PRKG1: variants seen among roughly 807,000 people sequenced by gnomAD.
PRKG1 encodes cGMP-dependent protein kinase 1.
Under a neutral mutation model 88.1 loss-of-function variants are expected in PRKG1, and 35 were observed. That is an observed-to-expected ratio of 0.40 (90% CI 0.30 to 0.53). The LOEUF (loss-of-function observed/expected upper bound fraction) is 0.53. PRKG1 is among the 20% of genes least tolerant of loss of function. PRKG1 has a pLI of 0.59. For missense variants in PRKG1, 540 were observed against 839.8 expected (o/e 0.64, Z 4.41); for synonymous variants, 303 against 292.5 (o/e 1.04, Z -0.37).
chr10:51,459,304 C>T (rs1839679553), intron 2 of PRKG1, among the ~76,000 whole-genome samples: 2 of 152,136 alleles, frequency 1.3e-5, no homozygotes, highest in African/African-American at 2.4e-5. Flanking sequence ...TAATTGAATA[C>T]TGTATATTAG....
In PRKG1 at chr10:51,786,470, G is replaced by A. The variant is rs79686928; in HGVS notation, c.593-18115G>A. 7.1e-3 allele frequency among the ~76,000 whole-genome samples: 1,074 copies of A among 152,162 alleles called. 13 individuals are homozygous for A. Among genetic ancestry groups the A allele is most frequent in the African/African-American group, 0.022 (914 of 41,520 alleles). ...CAGCCTTCTTTTCTTCACTTGTGTA[G>A]CTCCTCCTCTTCCAGGCCTAACTGT... On this transcript the variant is annotated intron_variant, in intron 3 of 17. Coordinates refer to ENST00000373980, the MANE Select transcript of PRKG1 (RefSeq NM_006258.4).
At chr10:52,037,898 T>C (rs1387681842) in intron 5 of PRKG1, among the ~76,000 whole-genome samples, 1 of 150,514 alleles carries the variant, frequency 6.6e-6, no homozygotes, top group Non-Finnish European at 1.5e-5. Flanking sequence ...GGGTTGGTAC[T>C]GAGGGGACAG....
intron 5 of PRKG1, among the ~76,000 whole-genome samples, chr10:51,998,912 G>A (rs1564745302): frequency 6.6e-6 from 1 of 152,144 alleles, no homozygotes; most frequent in Non-Finnish European, 1.5e-5. Context: ...GTTTGGTGGT[G>A]GGAACCCCAG....
chr10:52,252,086 A>C (rs1299879122), intron 10 of PRKG1: 1 of 156,652 alleles, frequency 6.4e-6, no homozygotes, highest in Non-Finnish European at 1.4e-5. Context: ...AATCGAAGAG[A>C]TATATATGAA....
At chr10:51,114,385 G>A (rs1378742801) in intron 1 of PRKG1, among the ~76,000 whole-genome samples, 1 of 151,342 alleles carries the variant, frequency 6.6e-6, no homozygotes, top group Non-Finnish European at 1.5e-5. Flanking sequence ...CCTAAAGAAA[G>A]TCAGTCAGCA....
At chr10:51,774,297 C>T (rs1022285578) in intron 3 of PRKG1, among the ~76,000 whole-genome samples, 7 of 152,064 alleles carry the variant, frequency 4.6e-5, no homozygotes, top group Non-Finnish European at 8.8e-5. Context: ...TTGCATTTTG[C>T]TTTTTTCTTC....
At chr10:51,862,376 TTTGGTGG>T (rs1297210877) in intron 4 of PRKG1, among the ~76,000 whole-genome samples, 5 of 152,164 alleles carry the variant, frequency 3.3e-5, no homozygotes, top group African/African-American at 9.6e-5. Flanking sequence ...ACACCCACCA[TTTGGTGG>T]GTTCCGGGTT....
At chr10:51,045,773 A>T (rs1278052403) in intron 1 of PRKG1, among the ~76,000 whole-genome samples, 3 of 152,142 alleles carry the variant, frequency 2.0e-5, no homozygotes, top group East Asian at 1.9e-4. Flanking sequence ...AGCCTTTATA[A>T]TTATAGCCAG....
At chr10:51,401,792 A>C (rs78715754) in intron 2 of PRKG1, among the ~76,000 whole-genome samples, 1 of 152,150 alleles carries the variant, frequency 6.6e-6, no homozygotes, top group East Asian at 1.9e-4. Context: ...CATGATGCTT[A>C]AAACACAAAA....
chr10:51,051,530 C>T (rs1010289906), intron 1 of PRKG1, among the ~76,000 whole-genome samples: 2 of 152,130 alleles, frequency 1.3e-5, no homozygotes, highest in Non-Finnish European at 2.9e-5. Context: ...TATTTGTTTT[C>T]GTCATTCAGA....
intron 4 of PRKG1, among the ~76,000 whole-genome samples, chr10:51,874,150 G>A (rs947102442): frequency 1.3e-5 from 2 of 152,346 alleles, no homozygotes; most frequent in African/African-American, 4.8e-5. Flanking sequence ...ATAGAGTGTA[G>A]TTTAGTGCTG....
chr10:51,502,480 C>T (rs1262991126), intron 3 of PRKG1, among the ~76,000 whole-genome samples: 1 of 151,964 alleles, frequency 6.6e-6, no homozygotes, highest in East Asian at 1.9e-4. Flanking sequence ...AGGAATGAGT[C>T]TATGTTTATT....
At chr10:51,620,168 T>C (rs1256965881) in intron 3 of PRKG1, among the ~76,000 whole-genome samples, 2 of 152,130 alleles carry the variant, frequency 1.3e-5, no homozygotes, top group South Asian at 4.1e-4. Context: ...ATAGGGAAAT[T>C]TGCATTCCAA....
At chr10:51,165,940 T>C (rs967733604) in intron 2 of PRKG1, among the ~76,000 whole-genome samples, 1 of 152,156 alleles carries the variant, frequency 6.6e-6, no homozygotes, top group South Asian at 2.1e-4. Flanking sequence ...TAGCCTATTG[T>C]AATAACTTTC....
intron 9 of PRKG1, among the ~76,000 whole-genome samples, chr10:52,173,109 C>T (rs7906466): frequency 0.018 from 2,708 of 152,258 alleles, 72 homozygotes; most frequent in African/African-American, 0.062. Context: ...TCACTGTCAA[C>T]AGAAAATAGG....
chr10:51,274,300 T>C (rs1003074573), intron 2 of PRKG1, among the ~76,000 whole-genome samples: 4 of 152,188 alleles, frequency 2.6e-5, no homozygotes, highest in Non-Finnish European at 4.4e-5. Context: ...CTAGATCCTG[T>C]AGACTTCTGA....
At chr10:51,442,246 C>A (rs149767798) in intron 2 of PRKG1, among the ~76,000 whole-genome samples, 4 of 152,028 alleles carry the variant, frequency 2.6e-5, no homozygotes, top group African/African-American at 9.6e-5. Context: ...AGTGCTGTAT[C>A]TTTGTCAATT....
At chr10:52,145,603 C>A (rs1837709512) in intron 8 of PRKG1, among the ~76,000 whole-genome samples, 1 of 152,100 alleles carries the variant, frequency 6.6e-6, no homozygotes, top group South Asian at 2.1e-4. Context: ...AGAAGCTTAG[C>A]AATCAGTTTA....
At chr10:52,111,440 G>A (rs911881441) in intron 7 of PRKG1, among the ~76,000 whole-genome samples, 8 of 152,182 alleles carry the variant, frequency 5.3e-5, no homozygotes, top group African/African-American at 1.9e-4. Flanking sequence ...AGAAAATGTA[G>A]TACATATTGT....
Sources: gnomAD v4.1 joint callset for allele counts (sites outside exome capture counted in the v4.1 genomes callset) on GRCh38, gnomAD v4.1.1 for gene constraint, MANE v1.5 for transcripts, NCBI Gene and HGNC (gene_info 2026-07-23, HGNC 2026-07-21) for gene names.